IQGAP3: variants seen among roughly 807,000 people sequenced by gnomAD.
IQGAP3 encodes the protein ras GTPase-activating-like protein IQGAP3.
Under a neutral mutation model 208.2 loss-of-function variants are expected in IQGAP3, and 165 were observed. The observed-to-expected ratio is 0.79, with a 90% CI of 0.70 to 0.90. The LOEUF (loss-of-function observed/expected upper bound fraction) is 0.90. Ranked by LOEUF, IQGAP3 falls within the 40% of genes least tolerant of loss-of-function variation. The pLI, the probability that IQGAP3 is intolerant of heterozygous loss-of-function variation, is 0.00. For synonymous variants in IQGAP3, 703 were observed against 803.6 expected (o/e 0.87, Z 2.12); for missense variants, 1,811 against 2,043.1 (o/e 0.89, Z 2.19).
intron 22 of IQGAP3, among the ~76,000 whole-genome samples, chr1:156,541,865 C>T (rs1002655137): frequency 2.6e-5 from 4 of 152,180 alleles, no homozygotes; most frequent in African/African-American, 4.8e-5. Context: ...TGCCCAACCC[C>T]ACCTGGGGAG....
At chr1:156,562,718 TC>T (rs563807946) in intron 8 of IQGAP3, 53 bp from the exon 9 acceptor site, 2 of 1,415,190 alleles carry the variant, frequency 1.4e-6, no homozygotes, top group Non-Finnish European at 2.0e-6. Context: ...AATCTCCTTG[TC>T]CTGCTCTTCC....
Position 156,556,619 on chromosome 1 carries a change from A to G in IQGAP3, c.1204T>C (p.Cys402Arg). The G allele has an allele frequency of 6.2e-7, 1 of 1,612,430 alleles. No individual in the cohort carries two copies. The highest frequency in any genetic ancestry group is 8.5e-7 in the Non-Finnish European group (1 of 1,178,898). ...VAADTVKELM[C>R]PEAQLPPVYP... ...ACTGGAGGCAGCTGGGCCTCAGGGC[A>G]CATCAGCTCCTTCACAGTGTCAGCC... The change falls in exon 12 of 38, where the codon TGC becomes CGC. Residue 402 changes from cysteine (C) to arginine (R), a missense_variant. By Grantham distance (180) the Cys-to-Arg change is radical. Coordinates refer to ENST00000361170, the MANE Select transcript of IQGAP3 (RefSeq NM_178229.5).
At chr1:156,560,501 C>T (rs1258467064) in intron 11 of IQGAP3, among the ~76,000 whole-genome samples, 1 of 152,058 alleles carries the variant, frequency 6.6e-6, no homozygotes, top group Non-Finnish European at 1.5e-5. Flanking sequence ...ACAGAGTGAG[C>T]CTCTGTCTCA....
chr1:156,536,064 A>G (rs1674670217), intron 27 of IQGAP3, among the ~76,000 whole-genome samples: 2 of 152,216 alleles, frequency 1.3e-5, no homozygotes, highest in Non-Finnish European at 2.9e-5. Context: ...CCAGAGACAG[A>G]AGTTTACAGC....
At chr1:156,549,484 A>AAAG (rs1553226149) in intron 16 of IQGAP3, among the ~76,000 whole-genome samples, 2 of 151,100 alleles carry the variant, frequency 1.3e-5, no homozygotes, top group Non-Finnish European at 2.9e-5. Context: ...AAAAAAAAAA[A>AAAG]AAAGAAAAAA....
At chr1:156,554,099 G>T in intron 13 of IQGAP3, 136 bp downstream of exon 13, 1 of 1,058,800 alleles carries the variant, frequency 9.4e-7, no homozygotes, top group Non-Finnish European at 1.4e-6. Context: ...CCAAGGAACT[G>T]TGAACAGACC....
intron 7 of IQGAP3, 50 bp from the exon 8 acceptor site, chr1:156,563,362 T>C: frequency 6.5e-7 from 1 of 1,534,104 alleles, no homozygotes. Context: ...GAATCCCAGA[T>C]TGGAGCGCAA....
At chr1:156,536,984 C>T (rs994147708) in intron 27 of IQGAP3, 197 bp downstream of exon 27, 41 of 497,534 alleles carry the variant, frequency 8.2e-5, no homozygotes, top group Non-Finnish European at 1.1e-4. Context: ...CAGACTTGCA[C>T]GCCGTCTCTC....
At chr1:156,529,402 C>G (rs576414539) in intron 34 of IQGAP3, among the ~76,000 whole-genome samples, 2 of 152,160 alleles carry the variant, frequency 1.3e-5, no homozygotes, top group East Asian at 3.9e-4. Context: ...CTCAAACCTT[C>G]TGACCTGGGC....
chr1:156,561,782 C>G, intron 10 of IQGAP3, 56 bp downstream of exon 10: 1 of 1,546,012 alleles, frequency 6.5e-7, no homozygotes, highest in South Asian at 1.1e-5. Flanking sequence ...AGTAAGAGGC[C>G]CTCTCCTATC....
rs958298611 is a variant in IQGAP3, at chr1:156,526,567, A to G, written c.4815T>C (p.Ala1605=). Residue 1605 remains alanine, a synonymous_variant, in exon 38 of 38, where the codon GCT becomes GCC. Coordinates refer to ENST00000361170, the MANE Select transcript of IQGAP3 (RefSeq NM_178229.5). ...DLLQLQYEGV[A]VMKLFNKAKV... Reference sequence around the variant, plus strand: ...TGGCCTTGTTGAAGAGTTTCATGACAGCCACACCCTCATACTGGAGCTGCA... The same window carrying G: ...TGGCCTTGTTGAAGAGTTTCATGACGGCCACACCCTCATACTGGAGCTGCA... 4 of 1,613,986 alleles carry G rather than the reference A, an allele frequency of 2.5e-6. No individual in the cohort carries two copies. In the African/African-American group the frequency reaches 5.3e-5, roughly 22 times the overall value.
intron 13 of IQGAP3, among the ~76,000 whole-genome samples, chr1:156,553,129 T>C (rs1473872968): frequency 2.0e-5 from 3 of 152,010 alleles, no homozygotes; most frequent in African/African-American, 4.8e-5. Flanking sequence ...TGAGCTGTGA[T>C]TGCACCACTG....
intron 5 of IQGAP3, among the ~76,000 whole-genome samples, chr1:156,564,225 G>C (rs551263924): frequency 6.6e-6 from 1 of 152,298 alleles, no homozygotes; most frequent in East Asian, 1.9e-4. Context: ...GTCACTTGCT[G>C]TGATTTAGCC....
At chr1:156,560,880 T>C (rs1401356973) in intron 11 of IQGAP3, 54 bp downstream of exon 11, 2 of 1,260,800 alleles carry the variant, frequency 1.6e-6, no homozygotes, top group South Asian at 2.4e-5. Flanking sequence ...TGGGATACTC[T>C]TCTAAGAGTC....
Position 156,544,210 on chromosome 1 carries a change from G to A in IQGAP3, c.2402C>T (p.Ala801Val). Residue 801 changes from alanine to valine, a missense_variant, in exon 21 of 38, where the codon GCC (alanine) becomes GTC (valine). Transcript: ENST00000361170. ...TTGCCTCCGAGCTGCCCACATCCGG[G>A]CCCAGGCCTGGATCTGGGAGAAGAA... ...LDAIIKIQAW[A>V]RMWAARRQYL... 1 of 1,614,080 alleles carries A rather than the reference G, an allele frequency of 6.2e-7. No homozygotes were observed. Among genetic ancestry groups the A allele is most frequent in the Non-Finnish European group, 8.5e-7 (1 of 1,180,018 alleles).
At chr1:156,532,351 C>T (rs1674451115) in intron 32 of IQGAP3, among the ~76,000 whole-genome samples, 1 of 144,248 alleles carries the variant, frequency 6.9e-6, no homozygotes. Flanking sequence ...CGTGTCACTG[C>T]ACTCCAGCCT....
chr1:156,537,350 C>A (rs1188631835), intron 26 of IQGAP3, 29 bp from the exon 27 acceptor site: 2 of 1,583,158 alleles, frequency 1.3e-6, no homozygotes. Flanking sequence ...AAGGTGTAAG[C>A]AGGAGCCCCC....
At chr1:156,530,359 C>T (rs1674333647) in intron 33 of IQGAP3, 42 bp from the exon 34 acceptor site, 1 of 1,545,624 alleles carries the variant, frequency 6.5e-7, no homozygotes, top group East Asian at 2.3e-5. Flanking sequence ...CAGGTCCTAC[C>T]ATTCTGCTCC....
At chr1:156,541,557 T>C (rs1674984500) in intron 22 of IQGAP3, among the ~76,000 whole-genome samples, 1 of 152,192 alleles carries the variant, frequency 6.6e-6, no homozygotes. Flanking sequence ...ATGTTTACTA[T>C]GAGACAGAAC....
Sources: gnomAD v4.1 joint callset for allele counts (sites outside exome capture counted in the v4.1 genomes callset) on GRCh38, gnomAD v4.1.1 for gene constraint, MANE v1.5 for transcripts, NCBI Gene and HGNC (gene_info 2026-07-23, HGNC 2026-07-21) for gene names.